Variants in LRP1B observed in about 807,000 individuals in gnomAD.
LRP1B encodes LDL receptor related protein 1B, also known as low-density lipoprotein receptor-related protein 1B.
LRP1B carries 217 observed loss-of-function variants against 556.6 expected under a neutral mutation model. The observed-to-expected ratio is 0.39, with a 90% CI of 0.35 to 0.44. The LOEUF (loss-of-function observed/expected upper bound fraction) is 0.44. Ranked by LOEUF, LRP1B falls within the 20% of genes least tolerant of loss-of-function variation. The pLI is 1.00. For synonymous variants in LRP1B, 2,047 were observed against 1,865.8 expected (o/e 1.10, Z -2.50); for missense variants, 5,053 against 5,620.8 (o/e 0.90, Z 3.23).
chr2:140,947,387 C>T (rs1240399682), intron 20 of LRP1B, among the ~76,000 whole-genome samples: 1 of 152,130 alleles, frequency 6.6e-6, no homozygotes, highest in Non-Finnish European at 1.5e-5. Flanking sequence ...CTCTGCTTAT[C>T]CATGCAGTGT....
intron 1 of LRP1B, among the ~76,000 whole-genome samples, chr2:141,888,126 GGACTTTGCCT>G (rs1699181047): frequency 1.3e-5 from 2 of 152,084 alleles, no homozygotes; most frequent in Non-Finnish European, 2.9e-5. Context: ...GGAATTATAT[GGACTTTGCCT>G]AAAGTGGTCA....
Position 141,379,722 on chromosome 2 carries a change from A to G in LRP1B, c.343+100674T>C, listed in dbSNP as rs75337297. ...CTAACTCCCCTATCTCTATGAGTTG[A>G]TAGGACCCAGCATTTACTAGTTCCC... On this transcript the variant is annotated intron_variant, in intron 3 of 90. Coordinates refer to ENST00000389484, the MANE Select transcript of LRP1B (RefSeq NM_018557.3). 5.2e-4 allele frequency among the ~76,000 whole-genome samples: 79 copies of G among 152,262 alleles called. 1 individual carries two copies. In the East Asian group the frequency reaches 0.013, roughly 25 times the overall value.
chr2:142,108,297 G>A (rs1354730647), intron 1 of LRP1B, among the ~76,000 whole-genome samples: 1 of 151,832 alleles, frequency 6.6e-6, no homozygotes, highest in Non-Finnish European at 1.5e-5. Context: ...TCTCAAATAA[G>A]CTTCTATATG....
intron 2 of LRP1B, among the ~76,000 whole-genome samples, chr2:141,589,885 C>T (rs1019982964): frequency 1.2e-4 from 18 of 151,928 alleles, no homozygotes; most frequent in Non-Finnish European, 2.1e-4. Flanking sequence ...TGGAGAAAGG[C>T]AATAAAGTTA....
chr2:140,984,125 T>C (rs1573951090), intron 17 of LRP1B, among the ~76,000 whole-genome samples: 1 of 151,956 alleles, frequency 6.6e-6, no homozygotes, highest in East Asian at 1.9e-4. Context: ...TTAGTTTACT[T>C]GACAGGAAGG....
intron 3 of LRP1B, among the ~76,000 whole-genome samples, chr2:141,264,471 T>C (rs1684813344): frequency 3.3e-5 from 5 of 152,228 alleles, no homozygotes; most frequent in Admixed American, 3.3e-4. Context: ...TTTTATTTTA[T>C]TGAGACAGAG....
chr2:140,658,283 C>T (rs992605052), intron 41 of LRP1B, among the ~76,000 whole-genome samples: 27 of 151,902 alleles, frequency 1.8e-4, no homozygotes, highest in Non-Finnish European at 2.7e-4. Flanking sequence ...AAATTAATGG[C>T]CAGTAAACAT....
At position 142,130,813 on chromosome 2, in the gene LRP1B, CTTGGAGCCTGGAATCG is replaced by C; in HGVS notation, c.-100_-85del. 1 of 1,051,116 alleles carries C rather than the reference CTTGGAGCCTGGAATCG, an allele frequency of 9.5e-7. No individual in the cohort carries two copies. The highest frequency in any genetic ancestry group is 1.5e-6 in the Non-Finnish European group (1 of 689,142). The allele number at this position is 1,051,116 out of a possible 1,614,324, so 65.1% of individuals were successfully genotyped here. On this transcript the variant is annotated 5_prime_UTR_variant, in exon 1 of 91. Transcript: ENST00000389484. The stretch of plus-strand genomic sequence containing the variant: ...GCGGCGGCGGCGGCGGCAGGGGCCG[CTTGGAGCCTGGAATCG>C]AGCGGCGTCATTTACAAATGTCACT...
intron 32 of LRP1B, among the ~76,000 whole-genome samples, chr2:140,778,810 A>G (rs1689589613): frequency 6.6e-6 from 1 of 152,138 alleles, no homozygotes; most frequent in Admixed American, 6.5e-5. Context: ...GAACGCACAC[A>G]ACATCTCCTG....
intron 2 of LRP1B, among the ~76,000 whole-genome samples, chr2:141,712,836 A>ATTTTTTTTT (rs1192189235): frequency 0.11 from 11,808 of 102,902 alleles, 1,213 homozygotes; most frequent in Non-Finnish European, 0.15. Context: ...TGCCCAGCTA[A>ATTTTTTTTT]TTTTTTTTTT....
At chr2:141,771,928 C>T (rs1694913624) in intron 2 of LRP1B, among the ~76,000 whole-genome samples, 1 of 152,110 alleles carries the variant, frequency 6.6e-6, no homozygotes, top group Admixed American at 6.6e-5. Context: ...AAGCAATTCT[C>T]CTGCCTCAGC....
intron 77 of LRP1B, among the ~76,000 whole-genome samples, chr2:140,340,023 A>G (rs1288618680): frequency 6.6e-6 from 1 of 151,554 alleles, no homozygotes; most frequent in Non-Finnish European, 1.5e-5. Flanking sequence ...GTTGTTGAAA[A>G]AGACCAAATT....
chr2:141,991,197 A>C (rs1460664146), intron 1 of LRP1B, among the ~76,000 whole-genome samples: 1 of 152,044 alleles, frequency 6.6e-6, no homozygotes, highest in Admixed American at 6.6e-5. Context: ...CATTATGTAA[A>C]TGTATTTGTA....
chr2:141,621,876 CT>C (rs1282684829), intron 2 of LRP1B, among the ~76,000 whole-genome samples: 1 of 151,880 alleles, frequency 6.6e-6, no homozygotes, highest in African/African-American at 2.4e-5. Flanking sequence ...TACTATCTCT[CT>C]TTTTTGTTTG....
At chr2:141,468,739 GA>G (rs1682339175) in intron 3 of LRP1B, among the ~76,000 whole-genome samples, 1 of 152,076 alleles carries the variant, frequency 6.6e-6, no homozygotes, top group African/African-American at 2.4e-5. Context: ...GAACTGTATA[GA>G]TTTTTTCTTG....
chr2:140,292,760 A>C (rs1046316178), intron 84 of LRP1B, among the ~76,000 whole-genome samples: 3 of 152,196 alleles, frequency 2.0e-5, no homozygotes, highest in Admixed American at 2.0e-4. Flanking sequence ...TTAATGCCGA[A>C]CATAGTGACA....
chr2:140,551,261 G>T (rs1368762188), intron 43 of LRP1B, among the ~76,000 whole-genome samples: 1 of 152,146 alleles, frequency 6.6e-6, no homozygotes, highest in Non-Finnish European at 1.5e-5. Flanking sequence ...CAGATTGCTT[G>T]CTATGAGAGT....
intron 7 of LRP1B, among the ~76,000 whole-genome samples, chr2:141,119,199 T>C (rs1010232119): frequency 1.3e-5 from 2 of 151,922 alleles, no homozygotes; most frequent in African/African-American, 4.8e-5. Flanking sequence ...ATTTGTGACC[T>C]GTTAAAATCA....
intron 83 of LRP1B, among the ~76,000 whole-genome samples, chr2:140,306,381 G>A (rs1684068637): frequency 6.6e-6 from 1 of 151,698 alleles, no homozygotes; most frequent in African/African-American, 2.4e-5. Context: ...TTTAGTCTTG[G>A]GAGGGTGTAA....
Sources: allele counts gnomAD v4.1 joint callset (sites outside exome capture counted in the v4.1 genomes callset), GRCh38; gene constraint gnomAD v4.1.1; transcripts MANE v1.5; gene names NCBI Gene and HGNC (gene_info 2026-07-23, HGNC 2026-07-21).